The following CLIP2 variants were observed in gnomAD, a reference collection of about 807,000 sequenced individuals.
The protein encoded by CLIP2 is CAP-Gly domain-containing linker protein 2.
Under a neutral mutation model 111.7 loss-of-function variants are expected in CLIP2, and 41 were observed. The observed-to-expected ratio is 0.37, with a 90% CI of 0.29 to 0.48. The LOEUF (loss-of-function observed/expected upper bound fraction) is 0.48. CLIP2 is among the 20% of genes least tolerant of loss of function. The pLI is 0.99. For missense variants in CLIP2, 1,160 were observed against 1,422.1 expected (o/e 0.82, Z 2.96); for synonymous variants, 660 against 644.2 (o/e 1.02, Z -0.37).
intron 3 of CLIP2, among the ~76,000 whole-genome samples, chr7:74,346,495 G>T (rs1789799230): frequency 6.6e-6 from 1 of 152,054 alleles, no homozygotes; most frequent in South Asian, 2.1e-4. Flanking sequence ...GGCCAAGGTG[G>T]GTGAATCACT....
intron 4 of CLIP2, 39 bp downstream of exon 4, chr7:74,354,043 C>T (rs1332485941): frequency 5.7e-6 from 9 of 1,583,828 alleles, no homozygotes; most frequent in Middle Eastern, 1.7e-4. Context: ...GGAGGGGGCT[C>T]CTCTCCCCAG....
chr7:74,335,239 C>T (rs1033627166), intron 2 of CLIP2, among the ~76,000 whole-genome samples: 9 of 139,930 alleles, frequency 6.4e-5, no homozygotes, highest in Non-Finnish European at 9.1e-5. Flanking sequence ...CAAGTGTACT[C>T]CAGCCTGGGT....
intron 2 of CLIP2, among the ~76,000 whole-genome samples, chr7:74,321,714 C>G (rs140815866): frequency 6.6e-6 from 1 of 151,936 alleles, no homozygotes; most frequent in Non-Finnish European, 1.5e-5. Context: ...GTGATCCCCC[C>G]GCCTTGGCCC....
At chr7:74,304,696 G>A (rs1554727477) in intron 1 of CLIP2, among the ~76,000 whole-genome samples, 1 of 152,166 alleles carries the variant, frequency 6.6e-6, no homozygotes, top group Non-Finnish European at 1.5e-5. Flanking sequence ...GCTGATGCCT[G>A]TAATCCCAGC....
chr7:74,343,034 C>CAAA (rs57450898), intron 3 of CLIP2, among the ~76,000 whole-genome samples: 3 of 117,034 alleles, frequency 2.6e-5, no homozygotes, highest in Non-Finnish European at 1.9e-5. Flanking sequence ...GACTCTGTCT[C>CAAA]AAAAAAAAAA....
chr7:74,325,210 GC>G (rs1257317445), intron 2 of CLIP2, among the ~76,000 whole-genome samples: 2 of 152,196 alleles, frequency 1.3e-5, no homozygotes, highest in African/African-American at 4.8e-5. Flanking sequence ...TCAGAGCTGT[GC>G]CACACAGGGA....
At chr7:74,322,057 T>C (rs1473969614) in intron 2 of CLIP2, among the ~76,000 whole-genome samples, 7 of 147,296 alleles carry the variant, frequency 4.8e-5, no homozygotes, top group Non-Finnish European at 1.0e-4. Context: ...GATCTCACGA[T>C]CTCAGCTGAT....
intron 7 of CLIP2, among the ~76,000 whole-genome samples, chr7:74,362,202 C>T (rs1395674297): frequency 1.3e-5 from 2 of 152,172 alleles, no homozygotes; most frequent in African/African-American, 4.8e-5. Context: ...TCCTGGGTCA[C>T]CTCCTTGTAG....
chr7:74,398,084 C>T lies in CLIP2; in HGVS notation c.2880+851C>T, dbSNP rs183366875. The stretch of plus-strand genomic sequence containing the variant: ...GGACCATCCCCATCCCTTGGCCAGG[C>T]GCAATGGCTCACACCTGTAATCCCA... On this transcript the variant is annotated intron_variant, in intron 14 of 16. Transcript: ENST00000223398. 2.9e-3 allele frequency among the ~76,000 whole-genome samples: 445 copies of T among 151,606 alleles called. 1 individual carries two copies. The highest frequency in any genetic ancestry group is 0.01 in the African/African-American group (418 of 41,382).
chr7:74,398,814 G>A (rs1203547183), intron 14 of CLIP2, among the ~76,000 whole-genome samples: 1 of 152,186 alleles, frequency 6.6e-6, no homozygotes, highest in Non-Finnish European at 1.5e-5. Flanking sequence ...CTCAACAGAA[G>A]ATAAGCCCCT....
At chr7:74,396,312 A>G (rs1791446546) in intron 13 of CLIP2, among the ~76,000 whole-genome samples, 1 of 152,122 alleles carries the variant, frequency 6.6e-6, no homozygotes, top group South Asian at 2.1e-4. Flanking sequence ...TTGTAATCCC[A>G]GCGTTTTGGG....
intron 1 of CLIP2, among the ~76,000 whole-genome samples, chr7:74,299,763 A>T (rs1172251287): frequency 6.7e-6 from 1 of 149,912 alleles, no homozygotes; most frequent in African/African-American, 2.5e-5. Flanking sequence ...CAATGGTGTG[A>T]TCTCGGCTCA....
chr7:74,394,254 T>TTTTTTTTTTTTTTTTTTTTTTTG, intron 13 of CLIP2, among the ~76,000 whole-genome samples: 1 of 146,718 alleles, frequency 6.8e-6, no homozygotes, highest in Non-Finnish European at 1.5e-5. Context: ...TATTTTTTTT[T>TTTTTTTTTTTTTTTTTTTTTTTG]TTTTTTTTTT....
Position 74,400,510 on chromosome 7 carries a change from G to A in CLIP2, c.3021G>A (p.Val1007=), listed in dbSNP as rs1554317386. 1.4e-5 allele frequency: 23 copies of A among 1,609,932 alleles called. No individual in the cohort carries two copies. The highest frequency in any genetic ancestry group is 2.2e-5 in the East Asian group (1 of 44,664). Residue 1007 remains valine (V), a synonymous_variant, in exon 15 of 17, where the codon GTG becomes GTA. Transcript: ENST00000223398. ...ATGCGCTGGACCAGGCTCAGCAGGT[G>A]GAGAAGCTGATGGAGGCCATGAGGA... ...LRDALDQAQQ[V]EKLMEAMRSC...
At chr7:74,385,140 A>G (rs2116678404) in intron 11 of CLIP2, among the ~76,000 whole-genome samples, 1 of 150,752 alleles carries the variant, frequency 6.6e-6, no homozygotes, top group South Asian at 2.1e-4. Context: ...AAAAAAAAAA[A>G]AAAAGTTAGC....
At chr7:74,346,908 G>C (rs547470024) in intron 3 of CLIP2, among the ~76,000 whole-genome samples, 2 of 151,750 alleles carry the variant, frequency 1.3e-5, no homozygotes, top group African/African-American at 4.8e-5. Flanking sequence ...GTGTGGTGTC[G>C]CATGCCTCCA....
At chr7:74,290,218 C>A (rs1215189217) in intron 1 of CLIP2, among the ~76,000 whole-genome samples, 2 of 152,244 alleles carry the variant, frequency 1.3e-5, no homozygotes, top group Non-Finnish European at 2.9e-5. Context: ...AGAACAGGGA[C>A]TGCCCCCCTC....
intron 13 of CLIP2, among the ~76,000 whole-genome samples, chr7:74,393,220 G>A (rs1791347027): frequency 6.6e-6 from 1 of 151,368 alleles, no homozygotes; most frequent in Non-Finnish European, 1.5e-5. Context: ...TAGGGACAGG[G>A]TTTCACTGTG....
intron 8 of CLIP2, among the ~76,000 whole-genome samples, chr7:74,371,554 G>T (rs1790622504): frequency 6.8e-6 from 1 of 146,154 alleles, no homozygotes; most frequent in African/African-American, 2.5e-5. Flanking sequence ...GAGAGGGAGG[G>T]ACACAAAGAG....
Sources: allele counts gnomAD v4.1 joint callset (sites outside exome capture counted in the v4.1 genomes callset), GRCh38; gene constraint gnomAD v4.1.1; transcripts MANE v1.5; gene names NCBI Gene and HGNC (gene_info 2026-07-23, HGNC 2026-07-21).